PCDH15: variants seen among roughly 807,000 people sequenced by gnomAD.
PCDH15 encodes protocadherin related 15, also known as protocadherin-15.
A neutral mutation model predicts 178.5 loss-of-function variants in PCDH15; 129 were observed. The ratio of observed to expected loss-of-function variants is 0.72; its 90% confidence interval spans 0.63 to 0.84. PCDH15 has a LOEUF of 0.84. Among genes scored for constraint, PCDH15 ranks in the 40% least tolerant of loss-of-function variants. The pLI is 0.00. For synonymous variants in PCDH15, 800 were observed against 732.0 expected, an observed-to-expected ratio of 1.09 and a Z score of -1.50; for missense variants, 2,230 against 2,099.9, an observed-to-expected ratio of 1.06 and a Z score of -1.21.
At chr10:55,276,343 G>A (rs1592042556) in intron 1 of PCDH15, among the ~76,000 whole-genome samples, 1 of 150,848 alleles carries the variant, frequency 6.6e-6, no homozygotes, top group East Asian at 2.0e-4. Flanking sequence ...TTTACTGATA[G>A]GATCATTGTG....
At chr10:54,853,691 T>C (rs2131771046) in intron 3 of PCDH15, among the ~76,000 whole-genome samples, 1 of 152,126 alleles carries the variant, frequency 6.6e-6, no homozygotes, top group East Asian at 1.9e-4. Context: ...CAGCAAAACT[T>C]GAACTGAATA....
chr10:54,003,853 G>C (rs1419283972), intron 20 of PCDH15, among the ~76,000 whole-genome samples: 2 of 150,232 alleles, frequency 1.3e-5, no homozygotes, highest in Non-Finnish European at 3.0e-5. Context: ...AGAAACTATA[G>C]GCAATCTCCT....
At chr10:55,291,293 C>T (rs969924098) in intron 1 of PCDH15, among the ~76,000 whole-genome samples, 1 of 152,174 alleles carries the variant, frequency 6.6e-6, no homozygotes, top group Non-Finnish European at 1.5e-5. Context: ...GACAACCAAA[C>T]ATTTCATCTC....
At chr10:54,507,712 A>G (rs1253460322) in intron 3 of PCDH15, among the ~76,000 whole-genome samples, 2 of 152,034 alleles carry the variant, frequency 1.3e-5, no homozygotes, top group Non-Finnish European at 2.9e-5. Context: ...CCAAGCAACT[A>G]AGCAAGTATA....
chr10:54,158,339 G>C (rs987582503), intron 13 of PCDH15, among the ~76,000 whole-genome samples: 1 of 152,132 alleles, frequency 6.6e-6, no homozygotes, highest in African/African-American at 2.4e-5. Context: ...CTTGCGCAGG[G>C]AAACTTCCAT....
chr10:55,236,675 C>G (rs1314714061), intron 1 of PCDH15, among the ~76,000 whole-genome samples: 1 of 151,908 alleles, frequency 6.6e-6, no homozygotes, highest in Non-Finnish European at 1.5e-5. Context: ...ACTGAACATT[C>G]AAAAGTTGGC....
intron 2 of PCDH15, among the ~76,000 whole-genome samples, chr10:55,437,347 CAGA>C (rs1403118642): frequency 6.6e-6 from 1 of 152,138 alleles, no homozygotes; most frequent in Non-Finnish European, 1.5e-5. Context: ...AGCTTACACC[CAGA>C]AGGTTATTCT....
chr10:55,352,003 G>A (rs1325519299), intron 2 of PCDH15, among the ~76,000 whole-genome samples: 1 of 152,048 alleles, frequency 6.6e-6, no homozygotes, highest in Non-Finnish European at 1.5e-5. Flanking sequence ...TATCAATTAT[G>A]TGCATTCTCT....
At chr10:54,443,806 C>T (rs2075982523) in intron 3 of PCDH15, among the ~76,000 whole-genome samples, 1 of 151,540 alleles carries the variant, frequency 6.6e-6, no homozygotes, top group Non-Finnish European at 1.5e-5. Flanking sequence ...AATTAATCAA[C>T]CTGGCTGCTC....
chr10:53,830,905 T>C (rs2076976341), intron 30 of PCDH15, among the ~76,000 whole-genome samples: 1 of 152,204 alleles, frequency 6.6e-6, no homozygotes, highest in African/African-American at 2.4e-5. Context: ...TAAAAACCTA[T>C]CATGACAATG....
chr10:54,938,111 T>C (rs1837951632), intron 2 of PCDH15, among the ~76,000 whole-genome samples: 1 of 152,128 alleles, frequency 6.6e-6, no homozygotes, highest in South Asian at 2.1e-4. Flanking sequence ...ATGTGCTTTG[T>C]GTTCTTTATT....
chr10:53,995,628 T>G, intron 21 of PCDH15, 21 bp downstream of exon 21: 1 of 1,613,834 alleles, frequency 6.2e-7, no homozygotes, highest in South Asian at 1.1e-5. Flanking sequence ...TTCAGAATAT[T>G]AATCAATGCC....
At chr10:54,366,843 G>T (rs1265154590) in intron 5 of PCDH15, among the ~76,000 whole-genome samples, 1 of 151,884 alleles carries the variant, frequency 6.6e-6, no homozygotes, top group Non-Finnish European at 1.5e-5. Flanking sequence ...AATGGGATAG[G>T]ATGACCTCAG....
chr10:54,776,951 A>G (rs1949775225), intron 1 of PCDH15, among the ~76,000 whole-genome samples: 1 of 152,210 alleles, frequency 6.6e-6, no homozygotes, highest in Non-Finnish European at 1.5e-5. Context: ...AAGAAGAGAC[A>G]TAATTTAAAA....
chr10:55,602,030 G>A (rs568087951), intron 2 of PCDH15, among the ~76,000 whole-genome samples: 1 of 152,094 alleles, frequency 6.6e-6, no homozygotes, highest in Non-Finnish European at 1.5e-5. Context: ...GTGGGTGCAC[G>A]CGCCGTGCAC....
intron 2 of PCDH15, among the ~76,000 whole-genome samples, chr10:55,332,991 T>C (rs1356872475): frequency 6.6e-6 from 1 of 152,170 alleles, no homozygotes; most frequent in Non-Finnish European, 1.5e-5. Flanking sequence ...ACACATCTTT[T>C]ACATGACAAC....
chr10:54,962,801 G>T (rs1442533312), intron 2 of PCDH15, among the ~76,000 whole-genome samples: 2 of 152,146 alleles, frequency 1.3e-5, no homozygotes, highest in African/African-American at 4.8e-5. Context: ...ATCCGGGATG[G>T]TACTGCCAGC....
chr10:54,351,923 C>A (rs892930057), intron 5 of PCDH15, among the ~76,000 whole-genome samples: 2 of 152,076 alleles, frequency 1.3e-5, no homozygotes, highest in Non-Finnish European at 2.9e-5. Context: ...AGTAGAATAA[C>A]CTTATATTCA....
At chr10:55,290,645 TG>T (rs2132267713) in intron 1 of PCDH15, among the ~76,000 whole-genome samples, 1 of 152,204 alleles carries the variant, frequency 6.6e-6, no homozygotes, top group South Asian at 2.1e-4. Context: ...AAGATGAAAA[TG>T]GGTTCTAAGT....
Sources: allele counts gnomAD v4.1 joint callset (sites outside exome capture counted in the v4.1 genomes callset), GRCh38; gene constraint gnomAD v4.1.1; transcripts MANE v1.5; gene names NCBI Gene and HGNC (gene_info 2026-07-23, HGNC 2026-07-21).